SCAPER: variants seen among roughly 807,000 people sequenced by gnomAD.
SCAPER encodes the protein S phase cyclin A-associated protein in the endoplasmic reticulum.
Under a neutral mutation model 182.2 loss-of-function variants are expected in SCAPER, and 98 were observed. The observed-to-expected ratio is 0.54, with a 90% confidence interval of 0.46 to 0.64. The LOEUF is 0.64. Among genes scored for constraint, SCAPER ranks in the 30% least tolerant of loss-of-function variants. The pLI, the probability that SCAPER is intolerant of heterozygous loss-of-function variation, is 0.00. For synonymous variants in SCAPER, 605 were observed against 564.6 expected, an observed-to-expected ratio of 1.07 and a Z score of -1.01; for missense variants, 1,432 against 1,690.0, an observed-to-expected ratio of 0.85 and a Z score of 2.68.
intron 24 of SCAPER, among the ~76,000 whole-genome samples, chr15:76,501,979 C>G (rs1046444747): frequency 2.6e-5 from 4 of 152,214 alleles, no homozygotes; most frequent in African/African-American, 9.6e-5. Context: ...TCTGAGTAAA[C>G]AGCATAACAC....
chr15:76,894,698 A>C (rs1001907037), intron 1 of SCAPER, among the ~76,000 whole-genome samples: 1 of 152,158 alleles, frequency 6.6e-6, no homozygotes, highest in Non-Finnish European at 1.5e-5. Flanking sequence ...CAAATGTAAG[A>C]GGAAACATTA....
rs2048031324 is a variant in SCAPER at position 76,446,841 on chromosome 15, T to A, written c.3079-12531A>T. 2.6e-5 allele frequency among the ~76,000 whole-genome samples: 4 copies of A among 152,328 alleles called. No individual in the cohort carries two copies. In the South Asian group the frequency reaches 8.3e-4, roughly 32 times the overall value. ...TTCAACTTATGATTTTTTGACTTTA[T>A]CATGGTGTGAAAGAGATACGCGTTC... On this transcript the variant is annotated intron_variant, in intron 25 of 31. Transcript: ENST00000563290.
At chr15:76,572,909 T>A (rs1423081721) in intron 23 of SCAPER, among the ~76,000 whole-genome samples, 1,295 of 52,232 alleles carry the variant, frequency 0.025, 15 homozygotes, top group African/African-American at 0.054. Context: ...TCTCTCTCTC[T>A]CTCTCTCTCT....
intron 20 of SCAPER, among the ~76,000 whole-genome samples, chr15:76,667,798 C>CA (rs1362026433): frequency 1.3e-5 from 2 of 151,788 alleles, no homozygotes; most frequent in Non-Finnish European, 2.9e-5. Context: ...ACTAAAAATA[C>CA]AAAAATTAGC....
At chr15:76,697,941 C>G (rs1442280306) in intron 20 of SCAPER, among the ~76,000 whole-genome samples, 1 of 151,780 alleles carries the variant, frequency 6.6e-6, no homozygotes, top group Non-Finnish European at 1.5e-5. Flanking sequence ...CGCCTGGCCA[C>G]AAATAATTTT....
intron 10 of SCAPER, among the ~76,000 whole-genome samples, chr15:76,769,502 C>T (rs2151303872): frequency 6.7e-6 from 1 of 148,916 alleles, no homozygotes; most frequent in Non-Finnish European, 1.5e-5. Context: ...AAAAAGTGGG[C>T]AAAGGATATG....
chr15:76,897,358 T>C (rs1365934381), intron 1 of SCAPER, among the ~76,000 whole-genome samples: 1 of 151,976 alleles, frequency 6.6e-6, no homozygotes, highest in Non-Finnish European at 1.5e-5. Context: ...CCAGAGTTCA[T>C]AAATTCTTAA....
chr15:76,765,671 T>A, intron 11 of SCAPER, 33 bp from the exon 12 acceptor site: 2 of 1,489,398 alleles, frequency 1.3e-6, no homozygotes, highest in African/African-American at 1.4e-5. Flanking sequence ...GAAAATCAAA[T>A]CTTTGAACAC....
chr15:76,787,543 T>G (rs1321985938), intron 8 of SCAPER, among the ~76,000 whole-genome samples: 1 of 152,114 alleles, frequency 6.6e-6, no homozygotes, highest in East Asian at 1.9e-4. Flanking sequence ...CCAGGCTGGA[T>G]GTGAACCTCT....
At chr15:76,456,995 G>C (rs2048786274) in intron 25 of SCAPER, among the ~76,000 whole-genome samples, 1 of 151,130 alleles carries the variant, frequency 6.6e-6, no homozygotes, top group South Asian at 2.1e-4. Flanking sequence ...ATCTCATGTA[G>C]ATAGAGCACA....
chr15:76,421,083 G>C (rs1206003342), intron 26 of SCAPER, among the ~76,000 whole-genome samples: 1 of 152,136 alleles, frequency 6.6e-6, no homozygotes, highest in Non-Finnish European at 1.5e-5. Context: ...ATAAACATAC[G>C]TGTGCATGTG....
chr15:76,453,178 G>A (rs1385491944), intron 25 of SCAPER, among the ~76,000 whole-genome samples: 15 of 152,164 alleles, frequency 9.9e-5, no homozygotes, highest in Admixed American at 3.9e-4. Context: ...CTCACATGAT[G>A]CCCCATCACC....
chr15:76,649,147 C>T (rs950481420), intron 21 of SCAPER, among the ~76,000 whole-genome samples: 1 of 152,132 alleles, frequency 6.6e-6, no homozygotes, highest in Non-Finnish European at 1.5e-5. Flanking sequence ...TCTATTAAAC[C>T]TCTGTACTTA....
At position 76,488,714 on chromosome 15, in the gene SCAPER, C is replaced by CTTTTTTTTTTTTTTTTTTTTTTTT. The variant is rs71143333; in HGVS notation, c.2954+16121_2954+16144dup. On this transcript the variant is annotated intron_variant, in intron 24 of 31. Transcript: ENST00000563290. ...TTGCATCCTGATAACAGTACACTGC[C>CTTTTTTTTTTTTTTTTTTTTTTTT]TTTTTTTTTTTTTTTTTTTTTTTTT... Among the ~76,000 whole-genome samples the CTTTTTTTTTTTTTTTTTTTTTTTT allele has an allele frequency of 9.7e-4, 90 of 93,086 alleles. 10 individuals are homozygous for CTTTTTTTTTTTTTTTTTTTTTTTT. Among genetic ancestry groups the CTTTTTTTTTTTTTTTTTTTTTTTT allele is most frequent in the Non-Finnish European group, 1.2e-3 (63 of 50,546 alleles). 61.1% of individuals were successfully genotyped at this position (93,086 alleles called of 152,430 possible).
At chr15:76,509,424 A>G (rs1223581007) in intron 23 of SCAPER, among the ~76,000 whole-genome samples, 1 of 152,110 alleles carries the variant, frequency 6.6e-6, no homozygotes, top group African/African-American at 2.4e-5. Context: ...GCAACCTCCT[A>G]ATTAGTATCT....
chr15:76,859,833 G>A (rs1384753581), intron 3 of SCAPER, among the ~76,000 whole-genome samples: 3 of 152,142 alleles, frequency 2.0e-5, no homozygotes, highest in South Asian at 2.1e-4. Flanking sequence ...CCAGGTTCAA[G>A]CCTCCCGGGT....
intron 27 of SCAPER, among the ~76,000 whole-genome samples, chr15:76,402,965 C>T (rs1019513163): frequency 1.6e-4 from 24 of 152,088 alleles, no homozygotes; most frequent in African/African-American, 5.8e-4. Flanking sequence ...ACAGCTGAAG[C>T]CCACAGACTG....
At chr15:76,421,050 T>A (rs1283211604) in intron 26 of SCAPER, among the ~76,000 whole-genome samples, 5 of 152,238 alleles carry the variant, frequency 3.3e-5, no homozygotes, top group Non-Finnish European at 5.9e-5. Context: ...TTCCAAGTCT[T>A]TGCTATTGTG....
chr15:76,802,196 A>AGGAT (rs2065847671), intron 6 of SCAPER, among the ~76,000 whole-genome samples: 1 of 152,234 alleles, frequency 6.6e-6, no homozygotes, highest in Non-Finnish European at 1.5e-5. Flanking sequence ...TAAGGATATA[A>AGGAT]ACTGTACAAG....
Sources: allele counts gnomAD v4.1 joint callset (sites outside exome capture counted in the v4.1 genomes callset), GRCh38; gene constraint gnomAD v4.1.1; transcripts MANE v1.5; gene names NCBI Gene and HGNC (gene_info 2026-07-23, HGNC 2026-07-21).